CCND3: variants seen among roughly 807,000 people sequenced by gnomAD.
The protein encoded by CCND3 is G1/S-specific cyclin-D3.
In CCND3, 9 loss-of-function variants were observed where a neutral mutation model predicts 28.7. The observed-to-expected ratio is 0.31, with a 90% CI of 0.19 to 0.55. CCND3 has a LOEUF of 0.55. CCND3 is among the 20% of genes least tolerant of loss of function. The pLI is 0.93. For synonymous variants in CCND3, 164 were observed against 163.9 expected, an observed-to-expected ratio of 1.00 and a Z score of 0.00; for missense variants, 315 against 385.8, an observed-to-expected ratio of 0.82 and a Z score of 1.54.
At chr6:41,961,654 C>T (rs377107412) in intron 1 of CCND3, among the ~76,000 whole-genome samples, 2 of 152,188 alleles carry the variant, frequency 1.3e-5, no homozygotes, top group East Asian at 3.9e-4. Flanking sequence ...TCCTTCATTG[C>T]CTCCCTCTAG....
chr6:41,937,147 C>T, intron 3 of CCND3, 88 bp downstream of exon 3: 2 of 1,411,586 alleles, frequency 1.4e-6, no homozygotes, highest in Non-Finnish European at 2.0e-6. Context: ...GGAATTTTGA[C>T]AGTATAAACC....
At chr6:42,044,297 A>T (rs1258528167) in intron 1 of CCND3, among the ~76,000 whole-genome samples, 1 of 152,236 alleles carries the variant, frequency 6.6e-6, no homozygotes, top group Non-Finnish European at 1.5e-5. Flanking sequence ...GGCTGGGAGC[A>T]GAGGCTCCCT....
At chr6:41,987,760 C>T (rs927897644) in intron 1 of CCND3, among the ~76,000 whole-genome samples, 1 of 151,474 alleles carries the variant, frequency 6.6e-6, no homozygotes, top group East Asian at 1.9e-4. Context: ...CCTTGGCCTC[C>T]CAAAGTGCTG....
intron 1 of CCND3, among the ~76,000 whole-genome samples, chr6:42,030,948 G>A (rs942283470): frequency 3.9e-5 from 6 of 152,082 alleles, no homozygotes; most frequent in Non-Finnish European, 7.4e-5. Flanking sequence ...GAAGGCACTT[G>A]GGAGAAGTGG....
At chr6:41,953,874 G>A (rs1031317152) in intron 1 of CCND3, among the ~76,000 whole-genome samples, 5 of 151,728 alleles carry the variant, frequency 3.3e-5, no homozygotes, top group African/African-American at 1.2e-4. Flanking sequence ...GAGAATGGAG[G>A]AAGACATGGC....
intron 2 of CCND3, 33 bp downstream of exon 2, chr6:41,940,337 A>G (rs780416165): frequency 3.9e-6 from 6 of 1,539,288 alleles, no homozygotes; most frequent in Non-Finnish European, 4.5e-6. Context: ...GGGAGACAAT[A>G]CGTGTCGGGG....
intron 1 of CCND3, among the ~76,000 whole-genome samples, chr6:41,984,297 A>G (rs1762420012): frequency 6.6e-6 from 1 of 152,148 alleles, no homozygotes; most frequent in Non-Finnish European, 1.5e-5. Context: ...TTTCCTTTGG[A>G]TATACACCCA....
intron 1 of CCND3, among the ~76,000 whole-genome samples, chr6:41,950,055 G>A (rs1259682083): frequency 3.4e-5 from 5 of 148,648 alleles, no homozygotes; most frequent in Non-Finnish European, 5.9e-5. Context: ...CCAAGATCAC[G>A]CCACTGCACT....
At chr6:41,990,989 G>C (rs1762630592) in intron 1 of CCND3, among the ~76,000 whole-genome samples, 1 of 151,694 alleles carries the variant, frequency 6.6e-6, no homozygotes, top group Non-Finnish European at 1.5e-5. Context: ...TTAGCCAACT[G>C]ATTTTTGACA....
At chr6:41,947,551 A>G (rs1262602429) in intron 1 of CCND3, among the ~76,000 whole-genome samples, 1 of 152,088 alleles carries the variant, frequency 6.6e-6, no homozygotes, top group Admixed American at 6.6e-5. Flanking sequence ...ATCCCACACA[A>G]TCCCCACACT....
intron 1 of CCND3, among the ~76,000 whole-genome samples, chr6:41,951,575 C>CACA (rs1238860882): frequency 1.6e-4 from 11 of 70,152 alleles, no homozygotes; most frequent in Non-Finnish European, 2.1e-4. Flanking sequence ...CACACACACA[C>CACA]AAAAAAAAAG....
At chr6:42,040,885 A>G (rs1464494702) in intron 1 of CCND3, among the ~76,000 whole-genome samples, 1 of 152,094 alleles carries the variant, frequency 6.6e-6, no homozygotes, top group Non-Finnish European at 1.5e-5. Context: ...AAAACAAAAA[A>G]AAAAACCTCA....
At chr6:42,044,531 G>A (rs1387468531) in intron 1 of CCND3, among the ~76,000 whole-genome samples, 1 of 152,164 alleles carries the variant, frequency 6.6e-6, no homozygotes, top group Non-Finnish European at 1.5e-5. Context: ...TGCTGGCAGA[G>A]GCCCCTCTTA....
intron 1 of CCND3, among the ~76,000 whole-genome samples, chr6:42,003,658 G>A (rs1230451706): frequency 1.3e-5 from 2 of 150,054 alleles, no homozygotes; most frequent in Non-Finnish European, 3.0e-5. Context: ...AAAGTTAAAA[G>A]TTTAACATTG....
At chr6:41,989,551 A>G (rs1193432443) in intron 1 of CCND3, among the ~76,000 whole-genome samples, 1 of 152,108 alleles carries the variant, frequency 6.6e-6, no homozygotes, top group Non-Finnish European at 1.5e-5. Context: ...AAACATCTAC[A>G]GATAGCAAAT....
At chr6:42,042,262 T>C (rs941641961) in intron 1 of CCND3, among the ~76,000 whole-genome samples, 2 of 152,100 alleles carry the variant, frequency 1.3e-5, no homozygotes, top group African/African-American at 4.8e-5. Flanking sequence ...ATGGTGATAA[T>C]GACAGCAGCT....
upstream of CCND3, among the ~76,000 whole-genome samples, chr6:41,943,071 C>T (rs1425728880): frequency 6.6e-6 from 1 of 151,898 alleles, no homozygotes; most frequent in African/African-American, 2.4e-5. Flanking sequence ...ACTATGTTGG[C>T]CAGGCTAGTC....
intron 1 of CCND3, among the ~76,000 whole-genome samples, chr6:41,994,007 A>G (rs1244782731): frequency 6.7e-6 from 1 of 149,614 alleles, no homozygotes; most frequent in African/African-American, 2.5e-5. Flanking sequence ...TTAAGTGGAT[A>G]TTACTTAGTG....
At chr6:41,971,137 C>T (rs1049692979) in intron 1 of CCND3, among the ~76,000 whole-genome samples, 2 of 152,076 alleles carry the variant, frequency 1.3e-5, no homozygotes, top group East Asian at 1.9e-4. Context: ...AGGCTGGTCT[C>T]GAACTCCTGA....
Sources: allele counts gnomAD v4.1 joint callset (sites outside exome capture counted in the v4.1 genomes callset), GRCh38; gene constraint gnomAD v4.1.1; transcripts MANE v1.5; gene names NCBI Gene and HGNC (gene_info 2026-07-23, HGNC 2026-07-21).